Variants in NTRK2 observed in about 807,000 individuals in gnomAD.
The protein encoded by NTRK2 is neurotrophic receptor tyrosine kinase 2, also known as BDNF/NT-3 growth factors receptor.
NTRK2 carries 13 observed loss-of-function variants against 94.5 expected under a neutral mutation model. That is an observed-to-expected ratio of 0.14 (90% CI 0.09 to 0.22). The LOEUF (loss-of-function observed/expected upper bound fraction) is 0.22, where lower values mean the gene tolerates loss of function less well. Ranked by LOEUF, NTRK2 falls within the 10% of genes least tolerant of loss-of-function variation. NTRK2 has a pLI of 1.00. For synonymous variants in NTRK2, 372 were observed against 407.4 expected (o/e 0.91, Z 1.05); for missense variants, 639 against 1,071.2 (o/e 0.60, Z 5.63).
chr9:84,677,210 G>C (rs757962512), intron 2 of NTRK2, among the ~76,000 whole-genome samples: 1 of 152,106 alleles, frequency 6.6e-6, no homozygotes, highest in Non-Finnish European at 1.5e-5. Flanking sequence ...GGAGAAACCC[G>C]CAGCCCTTTC....
Position 85,023,644 on chromosome 9 carries a change from G to T in NTRK2, c.*2207G>T. 4.4e-6 allele frequency: 1 copy of T among 228,054 alleles called. No homozygotes were observed. The highest frequency in any genetic ancestry group is 1.8e-4 in the South Asian group (1 of 5,462). 14.1% of individuals were successfully genotyped at this position (228,054 alleles called of 1,614,324 possible). A position where few individuals can be genotyped will look rare whatever the true frequency, so the allele number is the denominator to read the frequency against. ...AACATAATGAAAGCCATATCTCCAT[G>T]ATATATATGTGCACATATATATACA... On this transcript the variant is annotated 3_prime_UTR_variant, in exon 19 of 19. Coordinates refer to ENST00000277120, the MANE Select transcript of NTRK2 (RefSeq NM_006180.6).
intron 11 of NTRK2, among the ~76,000 whole-genome samples, chr9:84,748,521 A>G (rs2064294394): frequency 6.6e-6 from 1 of 152,192 alleles, no homozygotes; most frequent in African/African-American, 2.4e-5. Flanking sequence ...TCTAGCTGTC[A>G]TGACTGGTAA....
chr9:84,692,353 G>A (rs986104985), intron 2 of NTRK2, among the ~76,000 whole-genome samples: 12 of 151,650 alleles, frequency 7.9e-5, no homozygotes, highest in Admixed American at 3.3e-4. Context: ...AACAGAAGAA[G>A]TTTGCAAAGT....
At chr9:84,929,748 G>C (rs1587964510) in intron 14 of NTRK2, among the ~76,000 whole-genome samples, 1 of 152,204 alleles carries the variant, frequency 6.6e-6, no homozygotes, top group East Asian at 1.9e-4. Flanking sequence ...TTTTAATAGA[G>C]ACAGGGTTTC....
At position 84,751,972 on chromosome 9, in the gene NTRK2, C is replaced by T. The variant is rs200644029; in HGVS notation, c.1297-14C>T. The T allele has an allele frequency of 1.9e-6, 3 of 1,611,520 alleles. No individual in the cohort carries two copies. In the African/African-American group the frequency reaches 4.0e-5, roughly 22 times the overall value. ...ATTAGCAAGGTTATAACCACCCTCCCTTCCTTTCTCTAGGTCTATGCTGTG... is the reference window on the plus strand; with the variant it reads ...ATTAGCAAGGTTATAACCACCCTCCTTTCCTTTCTCTAGGTCTATGCTGTG... On this transcript the variant is annotated splice_polypyrimidine_tract_variant and intron_variant, in intron 11 of 18. Coordinates refer to ENST00000277120, the MANE Select transcript of NTRK2 (RefSeq NM_006180.6).
chr9:85,012,968 C>T (rs975993377), intron 17 of NTRK2, among the ~76,000 whole-genome samples: 1 of 152,174 alleles, frequency 6.6e-6, no homozygotes, highest in African/African-American at 2.4e-5. Flanking sequence ...GTTACTAAGT[C>T]ATTACCTTAT....
rs139143812 is a variant in NTRK2, at chr9:84,733,489, C to T, written c.1159+5530C>T. 2.9e-3 allele frequency among the ~76,000 whole-genome samples: 445 copies of T among 152,256 alleles called. 3 individuals are homozygous for T. Among genetic ancestry groups the T allele is most frequent in the African/African-American group, 0.01 (425 of 41,544 alleles). On this transcript the variant is annotated intron_variant, in intron 9 of 18. Coordinates refer to ENST00000277120, the MANE Select transcript of NTRK2 (RefSeq NM_006180.6). ...GAGGGTCCTGGGCTACCCCTTGCAG[C>T]GAGTTGTAACACTTGAGACAACGTA... is the stretch of plus-strand genomic sequence containing the variant.
chr9:84,901,845 A>G (rs1025529946), intron 14 of NTRK2, among the ~76,000 whole-genome samples: 4 of 152,052 alleles, frequency 2.6e-5, no homozygotes, highest in Non-Finnish European at 5.9e-5. Flanking sequence ...GTCACCTTAC[A>G]TTGAAGTGTA....
intron 9 of NTRK2, among the ~76,000 whole-genome samples, chr9:84,730,670 G>T (rs1370700257): frequency 7.9e-6 from 1 of 126,288 alleles, no homozygotes; most frequent in African/African-American, 3.7e-5. Flanking sequence ...GAACCCGGGA[G>T]GCGGAGCTTG....
rs973886630 is a variant in NTRK2, at chr9:84,873,503, G to GC, written c.1633+6079dup. On this transcript the variant is annotated intron_variant, in intron 14 of 18. Transcript: ENST00000277120. ...ATTCCTTCCCCCTCTCAGTGCCACG[G>GC]CCCCCCCATTGCTAGCTACAACAAT... 25 of 1,058,394 alleles carry GC rather than the reference G, an allele frequency of 2.4e-5. No homozygotes were observed. In the African/African-American group the frequency reaches 3.1e-4, roughly 13 times the overall value. The allele number at this position is 1,058,394 out of a possible 1,614,324, so 65.6% of individuals were successfully genotyped here. A position where few individuals can be genotyped will look rare whatever the true frequency, so the allele number is the denominator to read the frequency against.
chr9:84,716,807 A>G (rs1213833990), intron 6 of NTRK2, among the ~76,000 whole-genome samples: 4 of 152,220 alleles, frequency 2.6e-5, no homozygotes, highest in Non-Finnish European at 5.9e-5. Flanking sequence ...TTTAGAAGTT[A>G]TGTAGTACCT....
intron 2 of NTRK2, among the ~76,000 whole-genome samples, chr9:84,695,433 C>T (rs1304761188): frequency 3.3e-5 from 5 of 152,198 alleles, no homozygotes; most frequent in Non-Finnish European, 5.9e-5. Flanking sequence ...TTCCAGGAAC[C>T]TGTAAGTCAA....
chr9:84,914,810 T>G, intron 14 of NTRK2, among the ~76,000 whole-genome samples: 1 of 152,132 alleles, frequency 6.6e-6, no homozygotes, highest in East Asian at 1.9e-4. Context: ...AAAAAGAAAA[T>G]CCAGGGAATT....
chr9:84,779,215 A>G (rs888743576), intron 12 of NTRK2, among the ~76,000 whole-genome samples: 4 of 152,242 alleles, frequency 2.6e-5, no homozygotes, highest in Non-Finnish European at 5.9e-5. Context: ...TGAAGGCTCT[A>G]CATGAATGCC....
intron 17 of NTRK2, among the ~76,000 whole-genome samples, chr9:84,987,556 A>C (rs2133284123): frequency 6.6e-6 from 1 of 152,348 alleles, no homozygotes; most frequent in African/African-American, 2.4e-5. Flanking sequence ...TTGAGGAATC[A>C]AATGGTAGTG....
Position 85,026,589 on chromosome 9 carries a change from G to C in NTRK2, c.*5152G>C, listed in dbSNP as rs1396086958. The stretch of plus-strand genomic sequence containing the variant: ...ATCCCTTGACAAATGACCAAATTAT[G>C]GTGAACTATTGCTCCCTGCGTTCTT... On this transcript the variant is annotated 3_prime_UTR_variant, in exon 19 of 19. Transcript: ENST00000277120. The C allele has an allele frequency of 6.9e-5, 16 of 232,844 alleles. No homozygotes were observed. Among genetic ancestry groups the C allele is most frequent in the Non-Finnish European group, 1.3e-4 (15 of 117,846 alleles). 14.4% of individuals were successfully genotyped at this position (232,844 alleles called of 1,614,324 possible). A position where few individuals can be genotyped will look rare whatever the true frequency, so the allele number is the denominator to read the frequency against.
At chr9:84,968,999 C>G (rs1825882945) in intron 17 of NTRK2, among the ~76,000 whole-genome samples, 1 of 152,164 alleles carries the variant, frequency 6.6e-6, no homozygotes, top group African/African-American at 2.4e-5. Context: ...ACATTGACGT[C>G]ACATTTTCGT....
rs567772988 is a variant in NTRK2, at chr9:84,670,620, G to C, written c.-129G>C. The C allele has an allele frequency of 9.8e-6, 9 of 915,684 alleles. No individual in the cohort carries two copies. The highest frequency in any genetic ancestry group is 8.4e-5 in the South Asian group (6 of 71,058). The allele number at this position is 915,684 out of a possible 1,614,324, so 56.7% of individuals were successfully genotyped here. ...GCTCAGCCTCTGATAAGCTGGACTCGGCACGCCCGCAACAAGCACCGAGGA... is the reference window on the plus strand; with the variant it reads ...GCTCAGCCTCTGATAAGCTGGACTCCGCACGCCCGCAACAAGCACCGAGGA... On this transcript the variant is annotated 5_prime_UTR_variant, in exon 2 of 19. Transcript: ENST00000277120.
At chr9:84,882,719 T>TGCGCGCGC (rs1554762159) in intron 14 of NTRK2, among the ~76,000 whole-genome samples, 1 of 145,742 alleles carries the variant, frequency 6.9e-6, no homozygotes, top group African/African-American at 2.6e-5. Context: ...TGTGTGTGTG[T>TGCGCGCGC]GCGCGCGCGC....
Sources: gnomAD v4.1 joint callset for allele counts (sites outside exome capture counted in the v4.1 genomes callset) on GRCh38, gnomAD v4.1.1 for gene constraint, MANE v1.5 for transcripts, NCBI Gene and HGNC (gene_info 2026-07-23, HGNC 2026-07-21) for gene names.